The following SAE1 variants were observed in gnomAD, a reference collection of about 807,000 sequenced individuals.
SAE1 encodes the protein SUMO1 activating enzyme subunit 1, also known as SUMO-activating enzyme subunit 1.
SAE1 carries 11 observed loss-of-function variants against 40.6 expected under a neutral mutation model. The ratio of observed to expected loss-of-function variants is 0.27; its 90% CI spans 0.17 to 0.45. SAE1 has a LOEUF of 0.45. Among genes scored for constraint, SAE1 ranks in the 20% least tolerant of loss-of-function variants. The probability of loss-of-function intolerance (pLI) is 1.00; values close to 1 mark genes in which losing one functional copy is unlikely to be tolerated. For synonymous variants in SAE1, 155 were observed against 154.3 expected (o/e 1.00, Z -0.03); for missense variants, 373 against 427.3 (o/e 0.87, Z 1.12).
chr19:47,205,571 A>G lies in SAE1; in HGVS notation c.948+1831A>G, dbSNP rs1006490575. Among the ~76,000 whole-genome samples the G allele has an allele frequency of 3.0e-4, 46 of 152,102 alleles. 1 individual carries two copies. Among genetic ancestry groups the G allele is most frequent in the African/African-American group, 1.0e-3 (42 of 41,418 alleles). On this transcript the variant is annotated intron_variant, in intron 8 of 8. Coordinates refer to ENST00000270225, the MANE Select transcript of SAE1 (RefSeq NM_005500.3). ...CCACCCAGAGGACTGTTCGAGCAGGATTCTGAGGCTCCCTGTAGACAAACT... is the reference window on the plus strand; with the variant it reads ...CCACCCAGAGGACTGTTCGAGCAGGGTTCTGAGGCTCCCTGTAGACAAACT...
At position 47,152,792 on chromosome 19, in the gene SAE1, C is replaced by G; in HGVS notation, c.385-106C>G. 5 of 1,112,200 alleles carry G rather than the reference C, an allele frequency of 4.5e-6. No individual in the cohort carries two copies. The South Asian group carries it at 8.3e-5, about 18-fold the overall frequency. The allele number at this position is 1,112,200 out of a possible 1,614,324, so 68.9% of individuals were successfully genotyped here. ...ACCTGTTGTACCAGTTTGAAACATG[C>G]TTTGAGCATGCCCAGAGAGACTGTT... On this transcript the variant is annotated intron_variant, in intron 3 of 8. Transcript: ENST00000270225.
intron 7 of SAE1, among the ~76,000 whole-genome samples, chr19:47,199,346 C>G (rs1254208083): frequency 7.0e-6 from 1 of 142,624 alleles, no homozygotes; most frequent in African/African-American, 2.6e-5. Context: ...GATCACGCCA[C>G]TGCACTCCAG....
intron 6 of SAE1, among the ~76,000 whole-genome samples, chr19:47,188,706 G>C (rs1299412989): frequency 6.6e-6 from 1 of 152,194 alleles, no homozygotes; most frequent in Non-Finnish European, 1.5e-5. Context: ...AGGAGGCTCA[G>C]GGTCCTTGTC....
In SAE1 at chr19:47,204,509, C is replaced by CCT. The variant is rs398034856; in HGVS notation, c.948+769_948+770insCT. Among the ~76,000 whole-genome samples, 443 of 112,946 alleles carry CCT rather than the reference C, an allele frequency of 3.9e-3. 10 individuals are homozygous for CCT. Among genetic ancestry groups the CCT allele is most frequent in the East Asian group, 6.2e-3 (22 of 3,530 alleles). 74.1% of individuals were successfully genotyped at this position (112,946 alleles called of 152,430 possible). ...CACTGTACCCAGCCGCACCCCCCCC[C>CCT]TTTTTTTTTTTTTTTGAGACAGAAT... On this transcript the variant is annotated intron_variant, in intron 8 of 8. Transcript: ENST00000270225.
chr19:47,150,522 G>T, intron 3 of SAE1, 147 bp downstream of exon 3: 1 of 653,006 alleles, frequency 1.5e-6, no homozygotes, highest in Non-Finnish European at 2.6e-6. Context: ...CTGTTCTATT[G>T]TTTAGGCTTA....
At chr19:47,136,386 C>T (rs1362671731) in intron 1 of SAE1, among the ~76,000 whole-genome samples, 5 of 152,100 alleles carry the variant, frequency 3.3e-5, no homozygotes, top group African/African-American at 4.8e-5. Context: ...GATTGGCCCT[C>T]CTTGGCCCCC....
chr19:47,160,031 C>T (rs2058349123), intron 5 of SAE1, among the ~76,000 whole-genome samples: 1 of 152,094 alleles, frequency 6.6e-6, no homozygotes, highest in Non-Finnish European at 1.5e-5. Flanking sequence ...ATTGAAGTAA[C>T]CTTTGTTACC....
rs528397860 is a variant in SAE1, at chr19:47,143,417, T to C, written c.99-77T>C. The C allele has an allele frequency of 2.9e-4, 353 of 1,209,282 alleles. 3 individuals are homozygous for C. The Middle Eastern group carries it at 3.7e-3, about 13-fold the overall frequency. The allele number at this position is 1,209,282 out of a possible 1,614,324, so 74.9% of individuals were successfully genotyped here. A position where few individuals can be genotyped will look rare whatever the true frequency, so the allele number is the denominator to read the frequency against. On this transcript the variant is annotated intron_variant, in intron 1 of 8. Transcript: ENST00000270225. ...ACCGTGCCTGGCAAACCAAAATGATTTGTGTATTTTTTGTTCTTCTGTGAT... is the reference window on the plus strand; with the variant it reads ...ACCGTGCCTGGCAAACCAAAATGATCTGTGTATTTTTTGTTCTTCTGTGAT...
In SAE1 at chr19:47,201,360, C is replaced by CTTTTTTTTTT. The variant is rs57568797; in HGVS notation, c.879-2291_879-2282dup. Among the ~76,000 whole-genome samples, 253 of 66,212 alleles carry CTTTTTTTTTT rather than the reference C, an allele frequency of 3.8e-3. 44 individuals are homozygous for CTTTTTTTTTT. Among genetic ancestry groups the CTTTTTTTTTT allele is most frequent in the African/African-American group, 0.014 (218 of 15,044 alleles). The allele number at this position is 66,212 out of a possible 152,430, so 43.4% of individuals were successfully genotyped here. Reference sequence around the variant, plus strand: ...CTGCACCTGGCCTGTTATCTGGTTCCTTTTTTTTTTTTTTTTTTTTTTTTT... The same window carrying CTTTTTTTTTT: ...CTGCACCTGGCCTGTTATCTGGTTCCTTTTTTTTTTTTTTTTTTTTTTTTTTTTTTTTTTT... On this transcript the variant is annotated intron_variant, in intron 7 of 8. Transcript: ENST00000270225.
intron 7 of SAE1, among the ~76,000 whole-genome samples, chr19:47,198,855 G>T (rs191198797): frequency 1.4e-4 from 21 of 151,992 alleles, no homozygotes; most frequent in Admixed American, 7.9e-4. Context: ...GGAGGTTGAG[G>T]CAGGCAGATT....
intron 5 of SAE1, among the ~76,000 whole-genome samples, chr19:47,156,410 CG>C (rs2058324911): frequency 6.6e-6 from 1 of 151,442 alleles, no homozygotes; most frequent in Non-Finnish European, 1.5e-5. Context: ...ACTGGGGAGG[CG>C]GATGTTGCAG....
chr19:47,204,187 C>CTTTTTTTTTTTT (rs57736880), intron 8 of SAE1, among the ~76,000 whole-genome samples: 6 of 82,102 alleles, frequency 7.3e-5, no homozygotes, highest in African/African-American at 3.5e-4. Context: ...AAAGCCCTCC[C>CTTTTTTTTTTTT]TTTTTTTTTT....
In SAE1 at chr19:47,209,187, A is replaced by C; in HGVS notation, c.977A>C (p.Asn326Thr). The C allele has an allele frequency of 6.2e-7, 1 of 1,613,846 alleles. No homozygotes were observed. Among genetic ancestry groups the C allele is most frequent in the Non-Finnish European group, 8.5e-7 (1 of 1,179,940 alleles). The change falls in exon 9 of 9, where the codon AAC becomes ACC. Residue 326 changes from asparagine (N) to threonine (T), a missense_variant. Transcript: ENST00000270225. Reference sequence around the variant, plus strand: ...CTGTCTCAGCGGGACCCTCCTCACAACAACTTCTTCTTCTTCGATGGCATG... The same window carrying C: ...CTGTCTCAGCGGGACCCTCCTCACACCAACTTCTTCTTCTTCGATGGCATG... ...KALSQRDPPH[N>T]NFFFFDGMKG...
At chr19:47,140,232 G>T (rs1053751231) in intron 1 of SAE1, among the ~76,000 whole-genome samples, 4 of 151,570 alleles carry the variant, frequency 2.6e-5, no homozygotes, top group African/African-American at 7.3e-5. Context: ...TTAGCCTCCC[G>T]AGTAGCTGGG....
chr19:47,145,507 T>C (rs1600154462), intron 2 of SAE1, among the ~76,000 whole-genome samples: 1 of 152,310 alleles, frequency 6.6e-6, no homozygotes, highest in African/African-American at 2.4e-5. Flanking sequence ...TAGCTTTCTC[T>C]GACCAGGCTC....
At chr19:47,134,012 G>A (rs976949157) in intron 1 of SAE1, among the ~76,000 whole-genome samples, 2 of 151,784 alleles carry the variant, frequency 1.3e-5, no homozygotes, top group African/African-American at 2.4e-5. Flanking sequence ...ACAGGCGCCC[G>A]CCACCATGCC....
intron 6 of SAE1, among the ~76,000 whole-genome samples, chr19:47,171,376 C>T (rs953278179): frequency 2.7e-4 from 41 of 152,070 alleles, no homozygotes; most frequent in African/African-American, 9.9e-4. Context: ...ACACTGCAAC[C>T]TCTGCCTCCC....
chr19:47,149,381 G>T lies in SAE1; in HGVS notation c.211-821G>T, dbSNP rs144103655. Reference sequence around the variant, plus strand: ...AGATGGCATTTCACCATGTTGGCCAGGTTGGTCTCAAACTCCTGACCTCAG... The same window carrying T: ...AGATGGCATTTCACCATGTTGGCCATGTTGGTCTCAAACTCCTGACCTCAG... On this transcript the variant is annotated intron_variant, in intron 2 of 8. Transcript: ENST00000270225. Among the ~76,000 whole-genome samples, 1,082 of 151,552 alleles carry T rather than the reference G, an allele frequency of 7.1e-3. 11 individuals are homozygous for T. Among genetic ancestry groups the T allele is most frequent in the African/African-American group, 0.025 (1,046 of 41,290 alleles).
chr19:47,157,652 G>A (rs2058332219), intron 5 of SAE1, among the ~76,000 whole-genome samples: 1 of 152,194 alleles, frequency 6.6e-6, no homozygotes, highest in Non-Finnish European at 1.5e-5. Context: ...CCAGGCCTTT[G>A]CCCACCATTC....
Sources: gnomAD v4.1 joint callset for allele counts (sites outside exome capture counted in the v4.1 genomes callset) on GRCh38, gnomAD v4.1.1 for gene constraint, MANE v1.5 for transcripts, NCBI Gene and HGNC (gene_info 2026-07-23, HGNC 2026-07-21) for gene names.